Variants in MESD observed in about 807,000 individuals in gnomAD.
MESD encodes the protein mesoderm development LRP chaperone.
MESD carries 7 observed loss-of-function variants against 12.9 expected under a neutral mutation model. The observed-to-expected ratio is 0.54, with a 90% CI of 0.31 to 1.02. The LOEUF (loss-of-function observed/expected upper bound fraction) is 1.02. Ranked by LOEUF, MESD falls within the 50% of genes least tolerant of loss-of-function variation. The pLI is 0.05. For synonymous variants in MESD, 126 were observed against 115.6 expected (o/e 1.09, Z -0.58); for missense variants, 342 against 296.7 (o/e 1.15, Z -1.12).
intron 3 of MESD, among the ~76,000 whole-genome samples, chr15:80,969,436 G>C (rs1902240687): frequency 1.3e-5 from 2 of 152,108 alleles, no homozygotes; most frequent in East Asian, 1.9e-4. Context: ...ACTTACATGG[G>C]GAGTGCTTGT....
intron 3 of MESD, among the ~76,000 whole-genome samples, chr15:80,969,487 AG>A (rs1256914766): frequency 6.6e-6 from 1 of 151,980 alleles, no homozygotes; most frequent in Non-Finnish European, 1.5e-5. Flanking sequence ...GGTCCAGAGA[AG>A]GGGAGCAGCC....
At position 80,977,510 on chromosome 15, in the gene MESD, C is replaced by A. The variant is rs1358061565; in HGVS notation, c.*1709G>T. The A allele has an allele frequency of 6.6e-6, 1 of 152,266 alleles. No homozygotes were observed. The highest frequency in any genetic ancestry group is 1.5e-5 in the Non-Finnish European group (1 of 68,092). The allele number at this position is 152,266 out of a possible 1,614,324, so 9.4% of individuals were successfully genotyped here. ...ACATGGGAAGGCTCCTAAGTGGAAACAGAAGGTACAGGGCGGAGTGAAAGC... is the reference window on the plus strand; with the variant it reads ...ACATGGGAAGGCTCCTAAGTGGAAAAAGAAGGTACAGGGCGGAGTGAAAGC... On this transcript the variant is annotated 3_prime_UTR_variant, in exon 3 of 3. Coordinates refer to ENST00000261758, the MANE Select transcript of MESD (RefSeq NM_015154.3).
intron 1 of MESD, among the ~76,000 whole-genome samples, chr15:80,986,453 CAG>C (rs1406312453): frequency 6.6e-6 from 1 of 152,146 alleles, no homozygotes; most frequent in Non-Finnish European, 1.5e-5. Flanking sequence ...GTTTAGGAGA[CAG>C]ATATGCTAAT....
rs759933191 is a variant in MESD at position 80,979,232 on chromosome 15, C to A, written c.692G>T (p.Arg231Ile). Reference sequence around the variant, plus strand: ...ACTGCTGCCCCATCACAGGTCTTCTCTTTTATTCCCAGCTCGATTTTCTTC... The same window carrying A: ...ACTGCTGCCCCATCACAGGTCTTCTATTTTATTCCCAGCTCGATTTTCTTC... ...SKEENRAGNKREDL is the reference protein window; with the variant it reads ...SKEENRAGNKIEDL Residue 231 changes from arginine to isoleucine, a missense_variant, in exon 3 of 3, where the codon AGA becomes ATA. Coordinates refer to ENST00000261758, the MANE Select transcript of MESD (RefSeq NM_015154.3). 2.4e-5 allele frequency: 39 copies of A among 1,613,626 alleles called. No homozygotes were observed. The South Asian group carries it at 4.3e-4, about 18-fold the overall frequency.
exon 4 of MESD, chr15:80,952,147 T>C (rs1414209283): frequency 4.4e-6 from 2 of 455,370 alleles, no homozygotes; most frequent in Admixed American, 4.7e-5. Flanking sequence ...GACTCTCTTT[T>C]CCTCCCAGGC....
intron 3 of MESD, among the ~76,000 whole-genome samples, chr15:80,963,840 A>T (rs750057157): frequency 1.3e-5 from 2 of 152,196 alleles, no homozygotes; most frequent in Non-Finnish European, 2.9e-5. Context: ...AAATTATAAG[A>T]GCTATTTATG....
At chr15:80,963,661 G>A (rs774133674) in intron 3 of MESD, among the ~76,000 whole-genome samples, 10 of 152,100 alleles carry the variant, frequency 6.6e-5, no homozygotes, top group Non-Finnish European at 1.0e-4. Context: ...CCTGGGATGC[G>A]AGGCTGGTTC....
chr15:80,986,917 C>T (rs1902749009), intron 1 of MESD, among the ~76,000 whole-genome samples: 1 of 152,204 alleles, frequency 6.6e-6, no homozygotes, highest in Non-Finnish European at 1.5e-5. Flanking sequence ...CATATATTAT[C>T]TCCAACCTTC....
chr15:80,978,791 A>G lies in MESD; in HGVS notation c.*428T>C, dbSNP rs1238561058. On this transcript the variant is annotated 3_prime_UTR_variant, in exon 3 of 3. Coordinates refer to ENST00000261758, the MANE Select transcript of MESD (RefSeq NM_015154.3). ...CTTTAACATAATGAAAATGATGTATATGGCATGAAGAGTTTACTCAATTAA... is the reference window on the plus strand; with the variant it reads ...CTTTAACATAATGAAAATGATGTATGTGGCATGAAGAGTTTACTCAATTAA... 1 of 163,080 alleles carries G rather than the reference A, an allele frequency of 6.1e-6. No homozygotes were observed. The highest frequency in any genetic ancestry group is 1.3e-5 in the Non-Finnish European group (1 of 75,654). 10.1% of individuals were successfully genotyped at this position (163,080 alleles called of 1,614,324 possible).
chr15:80,973,043 A>C (rs979626029), downstream of MESD, among the ~76,000 whole-genome samples: 11 of 152,066 alleles, frequency 7.2e-5, no homozygotes, highest in Admixed American at 4.6e-4. Flanking sequence ...AAACAAAAAA[A>C]ACAAAAACCT....
intron 1 of MESD, among the ~76,000 whole-genome samples, chr15:80,985,261 CTT>C (rs1198248448): frequency 1.3e-5 from 2 of 152,332 alleles, no homozygotes; most frequent in Admixed American, 1.3e-4. Context: ...CTGAAAATAA[CTT>C]TCCTTACCTA....
Position 80,978,343 on chromosome 15 carries a change from A to T in MESD, c.*876T>A, listed in dbSNP as rs1366560019. The T allele has an allele frequency of 6.6e-6, 1 of 152,228 alleles. No individual in the cohort carries two copies. The highest frequency in any genetic ancestry group is 2.4e-5 in the African/African-American group (1 of 41,448). 9.4% of individuals were successfully genotyped at this position (152,228 alleles called of 1,614,324 possible). On this transcript the variant is annotated 3_prime_UTR_variant, in exon 3 of 3. Coordinates refer to ENST00000261758, the MANE Select transcript of MESD (RefSeq NM_015154.3). ...TCTAACATGAACGGCAAAATCAGAC[A>T]TCAACAGTAGCACATCATGTTACTC...
downstream of MESD, among the ~76,000 whole-genome samples, chr15:80,974,064 C>T (rs1257229700): frequency 6.6e-6 from 1 of 152,064 alleles, no homozygotes; most frequent in East Asian, 1.9e-4. Flanking sequence ...TTATGGTTCC[C>T]CCCCCCACTG....
At position 80,976,583 on chromosome 15, in the gene MESD, T is replaced by C. The variant is rs1161747890; in HGVS notation, c.*2636A>G. ...TTTTACAATCTATTAAACTGGTAAA[T>C]GTGATGCCCAAGGCTGGCAAGGATA... On this transcript the variant is annotated 3_prime_UTR_variant, in exon 3 of 3. Coordinates refer to ENST00000261758, the MANE Select transcript of MESD (RefSeq NM_015154.3). 1 of 152,156 alleles carries C rather than the reference T, an allele frequency of 6.6e-6. No homozygotes were observed. Among genetic ancestry groups the C allele is most frequent in the Admixed American group, 6.6e-5 (1 of 15,266 alleles). The allele number at this position is 152,156 out of a possible 1,614,324, so 9.4% of individuals were successfully genotyped here.
intron 3 of MESD, among the ~76,000 whole-genome samples, chr15:80,957,442 A>C (rs941506275): frequency 1.3e-5 from 2 of 152,168 alleles, no homozygotes; most frequent in Non-Finnish European, 2.9e-5. Flanking sequence ...CAAGAAAATA[A>C]AATTAAATTA....
At chr15:80,954,809 T>C (rs922085190) in intron 3 of MESD, among the ~76,000 whole-genome samples, 2 of 152,264 alleles carry the variant, frequency 1.3e-5, no homozygotes, top group Admixed American at 6.5e-5. Context: ...CAACGCTAAT[T>C]TGTAAACTTT....
At chr15:80,980,260 CTCTCT>C (rs1341821610) in intron 2 of MESD, among the ~76,000 whole-genome samples, 1 of 152,190 alleles carries the variant, frequency 6.6e-6, no homozygotes, top group Non-Finnish European at 1.5e-5. Flanking sequence ...TGGCCGGACA[CTCTCT>C]AAGTACTCCT....
At chr15:80,964,981 T>G (rs1052550364) in intron 3 of MESD, among the ~76,000 whole-genome samples, 1 of 152,220 alleles carries the variant, frequency 6.6e-6, no homozygotes. Flanking sequence ...AAAGAGCTTC[T>G]GCACAGCAAA....
At chr15:80,948,957 G>T (rs1901693236) in intron 4 of MESD, 5 of 1,613,710 alleles carry the variant, frequency 3.1e-6, no homozygotes, top group Non-Finnish European at 3.4e-6. Context: ...CCTCGTGGTA[G>T]ACTATGACGG....
Sources: gnomAD v4.1 joint callset for allele counts (sites outside exome capture counted in the v4.1 genomes callset) on GRCh38, gnomAD v4.1.1 for gene constraint, MANE v1.5 for transcripts, NCBI Gene and HGNC (gene_info 2026-07-23, HGNC 2026-07-21) for gene names.